Variants in ATP6V0E1 observed in about 807,000 individuals in gnomAD.
ATP6V0E1 encodes V-type proton ATPase subunit e 1.
In ATP6V0E1, 4 loss-of-function variants were observed where a neutral mutation model predicts 11.6. The observed-to-expected ratio is 0.35, with a 90% confidence interval of 0.17 to 0.79. ATP6V0E1 has a LOEUF of 0.79. ATP6V0E1 is among the 30% of genes least tolerant of loss of function. The pLI is 0.54. For synonymous variants in ATP6V0E1, 36 were observed against 34.8 expected (o/e 1.04, Z -0.13); for missense variants, 105 against 100.0 (o/e 1.05, Z -0.21).
intron 2 of ATP6V0E1, among the ~76,000 whole-genome samples, chr5:173,010,155 T>C (rs1470580896): frequency 6.6e-6 from 1 of 152,054 alleles, no homozygotes; most frequent in Non-Finnish European, 1.5e-5. Context: ...TTATACAGAG[T>C]GTGTATACTG....
At chr5:173,021,275 G>T (rs1581634924) in intron 3 of ATP6V0E1, among the ~76,000 whole-genome samples, 1 of 150,668 alleles carries the variant, frequency 6.6e-6, no homozygotes, top group East Asian at 1.9e-4. Context: ...TTTTCACGCT[G>T]CTGATAAAGA....
chr5:172,986,408 G>C (rs1755898148), intron 1 of ATP6V0E1, among the ~76,000 whole-genome samples: 1 of 152,206 alleles, frequency 6.6e-6, no homozygotes, highest in African/African-American at 2.4e-5. Flanking sequence ...AGCCGGACAA[G>C]AGGATTGCTT....
chr5:173,021,004 A>G, intron 3 of ATP6V0E1: 1 of 499,476 alleles, frequency 2.0e-6, no homozygotes, highest in Non-Finnish European at 4.0e-6. Context: ...GTTGCTATAA[A>G]GGAATACATG....
intron 3 of ATP6V0E1, among the ~76,000 whole-genome samples, chr5:173,028,193 C>A (rs777859087): frequency 6.6e-6 from 1 of 152,134 alleles, no homozygotes; most frequent in Non-Finnish European, 1.5e-5. Flanking sequence ...TCGTGTCATG[C>A]CTATTCTGCA....
In ATP6V0E1 at chr5:172,989,086, C is replaced by A. The variant is rs955715130; in HGVS notation, c.104+5122C>A. 2.0e-5 allele frequency among the ~76,000 whole-genome samples: 3 copies of A among 152,154 alleles called. No homozygotes were observed. In the East Asian group the frequency reaches 5.8e-4, roughly 29 times the overall value. ...GGCCTGACATGGTGGCTCACACCGGCACTTTGGGAGGCTGAGGTGGGAGGA... is the reference window on the plus strand; with the variant it reads ...GGCCTGACATGGTGGCTCACACCGGAACTTTGGGAGGCTGAGGTGGGAGGA... On this transcript the variant is annotated intron_variant, in intron 1 of 3. Transcript: ENST00000519374.
chr5:173,005,856 A>C (rs1026806948), intron 2 of ATP6V0E1, among the ~76,000 whole-genome samples: 1 of 152,190 alleles, frequency 6.6e-6, no homozygotes, highest in African/African-American at 2.4e-5. Flanking sequence ...TCTTAGACCA[A>C]TTGGTTATTC....
At position 173,034,333 on chromosome 5, in the gene ATP6V0E1, A is replaced by G. The variant is rs994320878; in HGVS notation, c.*37-66A>G. ...AGTGTTGGCTTGGTTAACTTTCTCG[A>G]TGTTAACTTTTTGCCTTCCTGAGGA... On this transcript the variant is annotated intron_variant, in intron 3 of 3. Coordinates refer to ENST00000519374, the MANE Select transcript of ATP6V0E1 (RefSeq NM_003945.4). 3 of 698,622 alleles carry G rather than the reference A, an allele frequency of 4.3e-6. No individual in the cohort carries two copies. In the African/African-American group the frequency reaches 5.3e-5, roughly 12 times the overall value. 43.3% of individuals were successfully genotyped at this position (698,622 alleles called of 1,614,324 possible). A position where few individuals can be genotyped will look rare whatever the true frequency, so the allele number is the denominator to read the frequency against.
intron 2 of ATP6V0E1, among the ~76,000 whole-genome samples, chr5:173,000,645 C>T (rs1756137528): frequency 6.6e-6 from 1 of 151,272 alleles, no homozygotes; most frequent in Admixed American, 6.6e-5. Context: ...AAGTAAGATG[C>T]TGTGTGTGAA....
At chr5:173,005,776 C>G (rs1756219172) in intron 2 of ATP6V0E1, among the ~76,000 whole-genome samples, 1 of 152,102 alleles carries the variant, frequency 6.6e-6, no homozygotes, top group Admixed American at 6.6e-5. Context: ...TCAGTGATAT[C>G]CCACAAATTT....
At chr5:173,030,346 A>G (rs1314234093) in intron 3 of ATP6V0E1, among the ~76,000 whole-genome samples, 6 of 152,052 alleles carry the variant, frequency 3.9e-5, no homozygotes, top group Admixed American at 2.0e-4. Context: ...TAAGCCTAAT[A>G]TATCGTTTAA....
chr5:172,989,530 A>ATTT (rs554701143), intron 1 of ATP6V0E1, among the ~76,000 whole-genome samples: 2 of 144,560 alleles, frequency 1.4e-5, no homozygotes, highest in African/African-American at 5.1e-5. Flanking sequence ...CTTACTGAAG[A>ATTT]TTTTTTTTTT....
At chr5:173,021,400 TAGC>T (rs953273733) in intron 3 of ATP6V0E1, among the ~76,000 whole-genome samples, 97 of 152,104 alleles carry the variant, frequency 6.4e-4, no homozygotes, top group Admixed American at 7.9e-4. Flanking sequence ...TCTTACATGG[TAGC>T]AGCAAGAGAG....
chr5:172,992,159 T>C (rs1275434325), intron 1 of ATP6V0E1, among the ~76,000 whole-genome samples: 3 of 152,126 alleles, frequency 2.0e-5, no homozygotes, highest in African/African-American at 7.2e-5. Flanking sequence ...CACGCCATTC[T>C]CCTGCCTCAG....
chr5:173,012,432 T>C (rs1050126211), intron 2 of ATP6V0E1, among the ~76,000 whole-genome samples: 7 of 152,036 alleles, frequency 4.6e-5, no homozygotes, highest in Admixed American at 1.3e-4. Context: ...TGTCACCATA[T>C]ACAAAAGTCA....
Position 173,025,302 on chromosome 5 carries a change from AC to A in ATP6V0E1, c.*36+4938del, listed in dbSNP as rs1197524645. ...TGGGACTATAGGCACACACCACCAC[AC>A]CCAGCTAATTTTTGTGTTTTTAGTA... is the stretch of plus-strand genomic sequence containing the variant. On this transcript the variant is annotated intron_variant, in intron 3 of 3. Transcript: ENST00000519374. 2.8e-5 allele frequency among the ~76,000 whole-genome samples: 4 copies of A among 143,838 alleles called. No individual in the cohort carries two copies. The East Asian group carries it at 8.2e-4, about 29-fold the overall frequency. 94.4% of individuals were successfully genotyped at this position (143,838 alleles called of 152,430 possible). A position where few individuals can be genotyped will look rare whatever the true frequency, so the allele number is the denominator to read the frequency against.
intron 2 of ATP6V0E1, among the ~76,000 whole-genome samples, chr5:173,008,415 C>T (rs1756262146): frequency 6.7e-6 from 1 of 150,348 alleles, no homozygotes; most frequent in South Asian, 2.1e-4. Flanking sequence ...AGTCTTCTGC[C>T]TCAGCCTCTC....
At chr5:173,014,303 T>A (rs1370343600) in intron 2 of ATP6V0E1, among the ~76,000 whole-genome samples, 50 of 151,988 alleles carry the variant, frequency 3.3e-4, no homozygotes, top group Non-Finnish European at 4.4e-5. Context: ...GAAAATGGTA[T>A]GGAGATTTTT....
At chr5:173,021,395 C>A (rs963110777) in intron 3 of ATP6V0E1, among the ~76,000 whole-genome samples, 5 of 152,122 alleles carry the variant, frequency 3.3e-5, no homozygotes, top group African/African-American at 1.2e-4. Context: ...GCAGTTCTTA[C>A]ATGGTAGCAG....
chr5:173,017,312 T>C (rs1372354055), intron 2 of ATP6V0E1, among the ~76,000 whole-genome samples: 1 of 151,782 alleles, frequency 6.6e-6, no homozygotes, highest in African/African-American at 2.4e-5. Flanking sequence ...GGTGGGCGGA[T>C]CACGTGAGAT....
Sources: allele counts gnomAD v4.1 joint callset (sites outside exome capture counted in the v4.1 genomes callset), GRCh38; gene constraint gnomAD v4.1.1; transcripts MANE v1.5; gene names NCBI Gene and HGNC (gene_info 2026-07-23, HGNC 2026-07-21).